UBE3C: variants seen among roughly 807,000 people sequenced by gnomAD.
The protein encoded by UBE3C is ubiquitin-protein ligase E3C.
In UBE3C, 42 loss-of-function variants were observed where a neutral mutation model predicts 129.4. That is an observed-to-expected ratio of 0.32 (90% CI 0.25 to 0.42). The LOEUF is 0.42. Among genes scored for constraint, UBE3C ranks in the 10% least tolerant of loss-of-function variants. UBE3C has a pLI of 1.00. For missense variants in UBE3C, 1,049 were observed against 1,319.1 expected (o/e 0.80, Z 3.17); for synonymous variants, 510 against 492.4 (o/e 1.04, Z -0.47).
chr7:157,151,710 A>C (rs1282459657), intron 1 of UBE3C, among the ~76,000 whole-genome samples: 3 of 152,228 alleles, frequency 2.0e-5, no homozygotes, highest in African/African-American at 7.2e-5. Flanking sequence ...TAGATCATTT[A>C]GCTTTTTAAT....
intron 21 of UBE3C, among the ~76,000 whole-genome samples, chr7:157,255,265 T>TA (rs1395378255): frequency 2.0e-5 from 3 of 152,210 alleles, no homozygotes; most frequent in Admixed American, 6.5e-5. Context: ...AAATGCCACT[T>TA]ACATCCAAAT....
At chr7:157,186,282 G>C (rs774064753) in intron 9 of UBE3C, among the ~76,000 whole-genome samples, 1 of 151,970 alleles carries the variant, frequency 6.6e-6, no homozygotes, top group African/African-American at 2.4e-5. Context: ...AAATTAGCTG[G>C]GTGTGGAGGC....
intron 21 of UBE3C, 97 bp from the exon 22 acceptor site, chr7:157,256,817 G>A (rs2116699632): frequency 2.7e-6 from 4 of 1,508,116 alleles, no homozygotes; most frequent in African/African-American, 2.8e-5. Flanking sequence ...GAGGATCCAT[G>A]GACTTTAGTT....
intron 11 of UBE3C, among the ~76,000 whole-genome samples, chr7:157,206,372 C>G (rs1809434004): frequency 6.6e-6 from 1 of 152,094 alleles, no homozygotes; most frequent in African/African-American, 2.4e-5. Context: ...AAGTGATTCC[C>G]CTGCCTCAGC....
rs906919493 is a variant in UBE3C at position 157,198,059 on chromosome 7, C to A, written c.1332-3662C>A. ...CAAGGCACTGAAGCTCCAGGGGGAT[C>A]TCTCCTCTTTTAACAAACTCCAGAA... On this transcript the variant is annotated intron_variant, in intron 10 of 22. Transcript: ENST00000348165. The A allele has an allele frequency of 2.5e-6, 4 of 1,609,354 alleles. No individual in the cohort carries two copies. In the African/African-American group the frequency reaches 4.0e-5, roughly 16 times the overall value.
rs371215767 is a variant in UBE3C at position 157,207,692 on chromosome 7, G to C, written c.1577-11G>C. ...AAAAGAAACAATAGAAAACTGGATT[G>C]TGTTTTTTAGTTGTAGGTCAAAGAC... is the stretch of plus-strand genomic sequence containing the variant. On this transcript the variant is annotated splice_polypyrimidine_tract_variant and intron_variant, in intron 12 of 22. Coordinates refer to ENST00000348165, the MANE Select transcript of UBE3C (RefSeq NM_014671.3). 1.2e-6 allele frequency: 2 copies of C among 1,607,910 alleles called. No individual in the cohort carries two copies. The highest frequency in any genetic ancestry group is 1.7e-4 in the Middle Eastern group (1 of 6,044).
chr7:157,233,288 T>C (rs1343093494), intron 18 of UBE3C, among the ~76,000 whole-genome samples: 1 of 152,180 alleles, frequency 6.6e-6, no homozygotes, highest in Non-Finnish European at 1.5e-5. Context: ...TACCACACTT[T>C]GGGGTTTGTT....
chr7:157,225,756 C>T (rs1484193193), intron 17 of UBE3C, among the ~76,000 whole-genome samples: 1 of 152,142 alleles, frequency 6.6e-6, no homozygotes, highest in African/African-American at 2.4e-5. Flanking sequence ...AGAGGCCAGC[C>T]TGGGCAACAT....
chr7:157,237,159 C>T (rs1452361436), intron 18 of UBE3C, among the ~76,000 whole-genome samples: 1 of 152,030 alleles, frequency 6.6e-6, no homozygotes, highest in Non-Finnish European at 1.5e-5. Flanking sequence ...TAAGATTTCT[C>T]GGCTGGGTGC....
At chr7:157,173,424 T>C (rs1392384059) in intron 4 of UBE3C, among the ~76,000 whole-genome samples, 1 of 152,212 alleles carries the variant, frequency 6.6e-6, no homozygotes, top group Non-Finnish European at 1.5e-5. Context: ...TAGGGGAAAA[T>C]GTCTCCTGCC....
intron 7 of UBE3C, 120 bp downstream of exon 7, chr7:157,181,791 GT>G: frequency 7.7e-7 from 1 of 1,298,152 alleles, no homozygotes; most frequent in Non-Finnish European, 1.1e-6. Context: ...CTTTATTAGT[GT>G]TGATTTAGTT....
At chr7:157,215,126 T>A (rs191662963) in intron 13 of UBE3C, among the ~76,000 whole-genome samples, 1 of 152,248 alleles carries the variant, frequency 6.6e-6, no homozygotes, top group Non-Finnish European at 1.5e-5. Flanking sequence ...CCACCACTTA[T>A]AAAGGTGCAT....
chr7:157,220,593 T>C (rs1295114042), intron 14 of UBE3C, 96 bp from the exon 15 acceptor site: 7 of 1,425,768 alleles, frequency 4.9e-6, no homozygotes, highest in Non-Finnish European at 5.8e-6. Context: ...CAGCCCACGG[T>C]AGAGAAATGT....
intron 22 of UBE3C, among the ~76,000 whole-genome samples, chr7:157,261,306 G>GAAAAAA (rs57114090): frequency 2.6e-5 from 2 of 78,030 alleles, no homozygotes; most frequent in Non-Finnish European, 4.6e-5. Flanking sequence ...AACTCTGTCT[G>GAAAAAA]AAAAAAAAAA....
chr7:157,197,389 T>A (rs190267553), intron 10 of UBE3C, among the ~76,000 whole-genome samples: 483 of 152,276 alleles, frequency 3.2e-3, no homozygotes, highest in Non-Finnish European at 5.6e-3. Flanking sequence ...GTCCTTCAAC[T>A]AAAAACTCAA....
chr7:157,148,892 G>C (rs2116806032), intron 1 of UBE3C, among the ~76,000 whole-genome samples: 1 of 151,962 alleles, frequency 6.6e-6, no homozygotes, highest in South Asian at 2.1e-4. Context: ...TGGAACTCCA[G>C]GCTTGCCACT....
At chr7:157,148,962 C>T (rs897444268) in intron 1 of UBE3C, among the ~76,000 whole-genome samples, 1 of 152,152 alleles carries the variant, frequency 6.6e-6, no homozygotes, top group Non-Finnish European at 1.5e-5. Context: ...TATTATTTAG[C>T]AACACTGCAT....
rs139662006 is a variant in UBE3C, at chr7:157,249,628, C to T, written c.2694+1048C>T. On this transcript the variant is annotated intron_variant, in intron 19 of 22. Transcript: ENST00000348165. ...GTGGCCGGCACGACAGAGCCTTTTA[C>T]GTGGTCTTCCTTCACTTGTAGTTGC... Among the ~76,000 whole-genome samples, 124 of 152,236 alleles carry T rather than the reference C, an allele frequency of 8.1e-4. 1 individual carries two copies. Among genetic ancestry groups the T allele is most frequent in the African/African-American group, 2.6e-3 (108 of 41,540 alleles).
At chr7:157,242,612 G>C (rs1292816816) in intron 18 of UBE3C, among the ~76,000 whole-genome samples, 1 of 150,860 alleles carries the variant, frequency 6.6e-6, no homozygotes, top group African/African-American at 2.4e-5. Flanking sequence ...CTTGTCAGTG[G>C]AAGTGGGAAT....
Sources: allele counts gnomAD v4.1 joint callset (sites outside exome capture counted in the v4.1 genomes callset), GRCh38; gene constraint gnomAD v4.1.1; transcripts MANE v1.5; gene names NCBI Gene and HGNC (gene_info 2026-07-23, HGNC 2026-07-21).